MATR3: variants seen among roughly 807,000 people sequenced by gnomAD.
The protein encoded by MATR3 is matrin-3.
MATR3 carries 4 observed loss-of-function variants against 85.5 expected under a neutral mutation model. The observed-to-expected ratio is 0.05, with a 90% confidence interval of 0.02 to 0.11. The LOEUF is 0.11. Among genes scored for constraint, MATR3 ranks in the 10% least tolerant of loss-of-function variants. The pLI, the probability that MATR3 is intolerant of heterozygous loss-of-function variation, is 1.00. For synonymous variants in MATR3, 336 were observed against 343.1 expected (o/e 0.98, Z 0.23); for missense variants, 685 against 1,016.1 (o/e 0.67, Z 4.43).
chr5:139,308,909 T>C (rs1754834849), intron 2 of MATR3, among the ~76,000 whole-genome samples: 1 of 152,186 alleles, frequency 6.6e-6, no homozygotes, highest in Non-Finnish European at 1.5e-5. Context: ...AAATTTTTCA[T>C]CATTTTTTTT....
At chr5:139,290,883 C>A (rs1753851102), upstream of MATR3, among the ~76,000 whole-genome samples, 1 of 152,222 alleles carries the variant, frequency 6.6e-6, no homozygotes, top group African/African-American at 2.4e-5. Context: ...GTGTCCCCAA[C>A]TGAACTTGCG....
At chr5:139,319,213 G>A in intron 8 of MATR3, 121 bp from the exon 9 acceptor site, 5 of 1,306,534 alleles carry the variant, frequency 3.8e-6, no homozygotes, top group Non-Finnish European at 5.5e-6. Flanking sequence ...AGGCAAGCCT[G>A]GGCAACATAG....
At chr5:139,305,166 ATTGT>A (rs775950182) in intron 1 of MATR3, among the ~76,000 whole-genome samples, 12 of 152,218 alleles carry the variant, frequency 7.9e-5, no homozygotes, top group East Asian at 1.9e-4. Flanking sequence ...TGGGATTTAC[ATTGT>A]TTGTCTTGAC....
upstream of MATR3, among the ~76,000 whole-genome samples, chr5:139,290,688 C>T (rs1054722069): frequency 2.6e-5 from 4 of 151,784 alleles, no homozygotes; most frequent in African/African-American, 4.8e-5. Flanking sequence ...TGGCCTCAAG[C>T]GATCGGCCCA....
intron 2 of MATR3, among the ~76,000 whole-genome samples, chr5:139,277,164 A>G (rs1753314432): frequency 6.8e-6 from 1 of 147,624 alleles, no homozygotes; most frequent in African/African-American, 2.4e-5. Flanking sequence ...TGTAGAGACA[A>G]AGTCTCATTA....
chr5:139,314,753 C>A lies in MATR3; in HGVS notation c.974+17C>A, dbSNP rs1156344207. Reference sequence around the variant, plus strand: ...TCTTGAAATGTAGGAGTTTGAAATACCTTTAAAACATCCTTATCGTGAATC... The same window carrying A: ...TCTTGAAATGTAGGAGTTTGAAATAACTTTAAAACATCCTTATCGTGAATC... On this transcript the variant is annotated intron_variant, in intron 3 of 14. Coordinates refer to ENST00000394805, the MANE Select transcript of MATR3 (RefSeq NM_018834.6). 6.2e-7 allele frequency: 1 copy of A among 1,607,692 alleles called. No individual in the cohort carries two copies. Among genetic ancestry groups the A allele is most frequent in the Non-Finnish European group, 8.5e-7 (1 of 1,174,468 alleles).
At chr5:139,323,731 T>C (rs1755698127) in intron 12 of MATR3, among the ~76,000 whole-genome samples, 2 of 152,090 alleles carry the variant, frequency 1.3e-5, no homozygotes, top group South Asian at 4.1e-4. Context: ...CCGTCTCTAC[T>C]AAAAATATGA....
intron 1 of MATR3, among the ~76,000 whole-genome samples, chr5:139,299,547 T>C (rs1754333932): frequency 6.6e-6 from 1 of 152,106 alleles, no homozygotes; most frequent in Non-Finnish European, 1.5e-5. Flanking sequence ...TAGTGGTGCA[T>C]GCCTGTGGTC....
intron 14 of MATR3, among the ~76,000 whole-genome samples, chr5:139,328,511 A>C (rs1166991125): frequency 6.6e-6 from 1 of 152,044 alleles, no homozygotes; most frequent in East Asian, 1.9e-4. Flanking sequence ...AGCAAGCTAC[A>C]CTCGTGGCTC....
chr5:139,325,790 T>C (rs577844519), intron 13 of MATR3, 128 bp downstream of exon 13: 1 of 785,522 alleles, frequency 1.3e-6, no homozygotes, highest in African/African-American at 1.7e-5. Flanking sequence ...TTTGTTTCTA[T>C]GGGGAACAAT....
intron 1 of MATR3, among the ~76,000 whole-genome samples, chr5:139,301,805 C>T (rs1389501439): frequency 1.1e-4 from 17 of 152,078 alleles, no homozygotes; most frequent in Admixed American, 1.1e-3. Flanking sequence ...TATTTCTTGC[C>T]TGATTGAAGG....
chr5:139,330,381 C>T lies in MATR3; in HGVS notation c.*986C>T, dbSNP rs1756080265. 1 of 454,396 alleles carries T rather than the reference C, an allele frequency of 2.2e-6. No individual in the cohort carries two copies. Among genetic ancestry groups the T allele is most frequent in the Non-Finnish European group, 4.4e-6 (1 of 226,764 alleles). The allele number at this position is 454,396 out of a possible 1,614,324, so 28.1% of individuals were successfully genotyped here. On this transcript the variant is annotated 3_prime_UTR_variant, in exon 15 of 15. Coordinates refer to ENST00000394805, the MANE Select transcript of MATR3 (RefSeq NM_018834.6). Reference sequence around the variant, plus strand: ...TGGATTCAAGTTACTGAAGTGAATACCAATAAAAAGAAAACCCTAGGCCAT... The same window carrying T: ...TGGATTCAAGTTACTGAAGTGAATATCAATAAAAAGAAAACCCTAGGCCAT...
At chr5:139,294,910 CAGATATTTCT>C (rs1754064954) in intron 1 of MATR3, 1 of 152,110 alleles carries the variant, frequency 6.6e-6, no homozygotes, top group African/African-American at 2.4e-5. Context: ...GTTTTTTAGC[CAGATATTTCT>C]AGAACGGTTA....
At chr5:139,299,517 T>C (rs1754331893) in intron 1 of MATR3, among the ~76,000 whole-genome samples, 1 of 151,990 alleles carries the variant, frequency 6.6e-6, no homozygotes, top group Non-Finnish European at 1.5e-5. Context: ...CTACTAAAAA[T>C]GTTAAAAATT....
intron 7 of MATR3, among the ~76,000 whole-genome samples, chr5:139,318,053 TAAA>T (rs1191181272): frequency 6.6e-6 from 1 of 152,252 alleles, no homozygotes; most frequent in Non-Finnish European, 1.5e-5. Context: ...TAGTAAATGA[TAAA>T]GTAATGCAGT....
chr5:139,276,078 G>T (rs570226703), intron 1 of MATR3: 4 of 456,628 alleles, frequency 8.8e-6, no homozygotes, highest in Non-Finnish European at 1.8e-5. Flanking sequence ...AGCTGCACAC[G>T]TGTTCACTGT....
Position 139,319,431 on chromosome 5 carries a change from G to A in MATR3, c.1532G>A (p.Ser511Asn). 1.2e-6 allele frequency: 2 copies of A among 1,614,040 alleles called. No homozygotes were observed. Among genetic ancestry groups the A allele is most frequent in the Non-Finnish European group, 1.7e-6 (2 of 1,179,978 alleles). Reference protein sequence around the residue: ...SNLPHSGYSDSAVLKLAEPYG... With the variant: ...SNLPHSGYSDNAVLKLAEPYG... ...TTGCCGCATTCTGGCTATTCTGATA[G>A]TGCTGTTCTCAAGCTTGCTGAGCCT... Residue 511 changes from serine to asparagine, a missense_variant, in exon 9 of 15, where the codon AGT becomes AAT. Around this residue, in one of 9 missense-constraint regions of MATR3, gnomAD observed 50 missense variants for 133.4 expected, o/e 0.37. Coordinates refer to ENST00000394805, the MANE Select transcript of MATR3 (RefSeq NM_018834.6).
Position 139,307,169 on chromosome 5 carries a change from G to GTT in MATR3, c.-177-62_-177-61dup. On this transcript the variant is annotated intron_variant, in intron 1 of 14. Transcript: ENST00000394805. This position sits in a 1 kb window ranked among gnomAD's most constrained non-coding sequence, Gnocchi z 4.4. ...TTTTTTAAATCAACATGATGCATAA[G>GTT]TTTTTTTTTCTTAAAAAAACGGCAT... 5 of 1,065,778 alleles carry GTT rather than the reference G, an allele frequency of 4.7e-6. No individual in the cohort carries two copies. The highest frequency in any genetic ancestry group is 4.4e-5 in the East Asian group (1 of 22,978). 66.0% of individuals were successfully genotyped at this position (1,065,778 alleles called of 1,614,324 possible). A position where few individuals can be genotyped will look rare whatever the true frequency, so the allele number is the denominator to read the frequency against.
At chr5:139,319,126 G>C in intron 8 of MATR3, 93 bp downstream of exon 8, 1 of 1,428,772 alleles carries the variant, frequency 7.0e-7, no homozygotes, top group Non-Finnish European at 9.8e-7. Context: ...CTAAGGCCAG[G>C]TGTGGTGGCT....
Sources: allele counts gnomAD v4.1 joint callset (sites outside exome capture counted in the v4.1 genomes callset), GRCh38; gene constraint gnomAD v4.1.1; regional missense constraint gnomAD v4.1.1; non-coding constraint Gnocchi (gnomAD v3.1); transcripts MANE v1.5; gene names NCBI Gene and HGNC (gene_info 2026-07-23, HGNC 2026-07-21).